The following CACNA1E variants were observed in gnomAD, a reference collection of about 807,000 sequenced individuals.
CACNA1E encodes the protein calcium voltage-gated channel subunit alpha1 E.
A neutral mutation model predicts 259.2 loss-of-function variants in CACNA1E; 40 were observed. That is an observed-to-expected ratio of 0.15 (90% CI 0.12 to 0.20). CACNA1E has a LOEUF of 0.20. Among genes scored for constraint, CACNA1E ranks in the 10% least tolerant of loss-of-function variants. CACNA1E has a pLI of 1.00. For synonymous variants in CACNA1E, 1,104 were observed against 1,138.5 expected, an observed-to-expected ratio of 0.97 and a Z score of 0.61; for missense variants, 1,874 against 3,040.1, an observed-to-expected ratio of 0.62 and a Z score of 9.02.
intron 6 of CACNA1E, among the ~76,000 whole-genome samples, chr1:181,640,526 A>G (rs936015693): frequency 6.6e-6 from 1 of 152,256 alleles, no homozygotes; most frequent in African/African-American, 2.4e-5. Flanking sequence ...CCAGACTTAC[A>G]TAGTGTTTGA....
At chr1:181,529,410 C>T (rs1667610178) in intron 3 of CACNA1E, among the ~76,000 whole-genome samples, 1 of 152,224 alleles carries the variant, frequency 6.6e-6, no homozygotes, top group African/African-American at 2.4e-5. Context: ...GGGGTTGGAG[C>T]CCCCACATGG....
intron 37 of CACNA1E, 135 bp downstream of exon 37, chr1:181,772,366 A>C: frequency 1.2e-6 from 1 of 804,118 alleles, no homozygotes; most frequent in Non-Finnish European, 2.0e-6. Flanking sequence ...CACCCCCACC[A>C]TGCACACACT....
chr1:181,549,800 G>A (rs533621124), intron 3 of CACNA1E, among the ~76,000 whole-genome samples: 37 of 152,314 alleles, frequency 2.4e-4, no homozygotes, highest in South Asian at 1.0e-3. Context: ...CGTGGAGAAC[G>A]GCATGCATGT....
At chr1:181,363,058 C>T (rs963611274) in intron 1 of CACNA1E, among the ~76,000 whole-genome samples, 3 of 152,196 alleles carry the variant, frequency 2.0e-5, no homozygotes, top group African/African-American at 7.2e-5. Flanking sequence ...ATAGTTCCCC[C>T]TGGGGGACCA....
chr1:181,482,413 CCT>C (rs1166676264), upstream of CACNA1E, among the ~76,000 whole-genome samples: 3 of 152,246 alleles, frequency 2.0e-5, no homozygotes, highest in Non-Finnish European at 4.4e-5. Flanking sequence ...GCTGCACCTG[CCT>C]CTCTCTTCTC....
At chr1:181,349,710 A>G (rs762970727) in intron 1 of CACNA1E, among the ~76,000 whole-genome samples, 1 of 151,852 alleles carries the variant, frequency 6.6e-6, no homozygotes, top group Non-Finnish European at 1.5e-5. Flanking sequence ...GGAGGACTCC[A>G]GGCTGCATAG....
At chr1:181,419,892 C>T (rs1658596392) in intron 2 of CACNA1E, among the ~76,000 whole-genome samples, 1 of 152,206 alleles carries the variant, frequency 6.6e-6, no homozygotes. Context: ...GATCTGCATG[C>T]ACTTTGTAGA....
intron 1 of CACNA1E, among the ~76,000 whole-genome samples, chr1:181,409,358 T>C (rs1000481546): frequency 1.3e-5 from 2 of 152,194 alleles, no homozygotes; most frequent in Admixed American, 6.5e-5. Flanking sequence ...CATATATCAC[T>C]TCCACTCACA....
chr1:181,720,997 C>T (rs917987400), intron 15 of CACNA1E, 142 bp downstream of exon 15: 7 of 633,378 alleles, frequency 1.1e-5, no homozygotes, highest in South Asian at 3.8e-5. Flanking sequence ...TCTAGTTGAG[C>T]GGTCATTACT....
At chr1:181,563,282 T>C (rs924633885) in intron 3 of CACNA1E, among the ~76,000 whole-genome samples, 5 of 152,208 alleles carry the variant, frequency 3.3e-5, no homozygotes, top group African/African-American at 1.2e-4. Flanking sequence ...TCAGGCATCA[T>C]AGGCAGAACT....
At chr1:181,566,720 T>A (rs1211114694) in intron 3 of CACNA1E, among the ~76,000 whole-genome samples, 1 of 152,204 alleles carries the variant, frequency 6.6e-6, no homozygotes, top group East Asian at 1.9e-4. Context: ...GTTCTCCCAG[T>A]GTGAATAGGG....
intron 3 of CACNA1E, among the ~76,000 whole-genome samples, chr1:181,543,315 A>G (rs1475392578): frequency 6.6e-6 from 1 of 152,156 alleles, no homozygotes; most frequent in Non-Finnish European, 1.5e-5. Context: ...CTAGGGTTTC[A>G]GGTTCCTGAG....
At chr1:181,548,452 T>C (rs1263415330) in intron 3 of CACNA1E, among the ~76,000 whole-genome samples, 2 of 152,166 alleles carry the variant, frequency 1.3e-5, no homozygotes, top group East Asian at 3.9e-4. Context: ...AGTATCTTTA[T>C]TGTTGCTCAT....
intron 25 of CACNA1E, chr1:181,745,265 C>T: frequency 2.5e-6 from 1 of 396,614 alleles, no homozygotes; most frequent in Non-Finnish European, 4.8e-6. Flanking sequence ...TGCTGAGGAA[C>T]TGCCTGTAGA....
chr1:181,511,755 G>A (rs557659422), intron 3 of CACNA1E, among the ~76,000 whole-genome samples: 1 of 152,366 alleles, frequency 6.6e-6, no homozygotes, highest in African/African-American at 2.4e-5. Context: ...AGCCAGGTCT[G>A]GAAGCTGCCA....
At chr1:181,691,044 AT>A (rs894952958) in intron 7 of CACNA1E, among the ~76,000 whole-genome samples, 1 of 151,938 alleles carries the variant, frequency 6.6e-6, no homozygotes, top group Non-Finnish European at 1.5e-5. Context: ...GAAAAATCAA[AT>A]ATTATCTTTT....
intron 1 of CACNA1E, among the ~76,000 whole-genome samples, chr1:181,355,700 T>A (rs945547421): frequency 8.5e-5 from 13 of 152,184 alleles, no homozygotes; most frequent in African/African-American, 3.1e-4. Context: ...ATTGATAATT[T>A]TAAAAAAATA....
At chr1:181,404,624 C>T (rs1382584159) in intron 1 of CACNA1E, among the ~76,000 whole-genome samples, 1 of 152,194 alleles carries the variant, frequency 6.6e-6, no homozygotes, top group Non-Finnish European at 1.5e-5. Context: ...AGAGATCAGA[C>T]ACGCTTTGGA....
chr1:181,653,049 G>A (rs1297048264), intron 7 of CACNA1E, among the ~76,000 whole-genome samples: 1 of 152,078 alleles, frequency 6.6e-6, no homozygotes, highest in African/African-American at 2.4e-5. Context: ...AGAGACCAGA[G>A]AAACAGGTTC....
Sources: allele counts gnomAD v4.1 joint callset (sites outside exome capture counted in the v4.1 genomes callset), GRCh38; gene constraint gnomAD v4.1.1; transcripts MANE v1.5; gene names NCBI Gene and HGNC (gene_info 2026-07-23, HGNC 2026-07-21).